Variants in RASAL2 observed in about 807,000 individuals in gnomAD.
RASAL2 encodes ras GTPase-activating protein nGAP.
Under a neutral mutation model 128.9 loss-of-function variants are expected in RASAL2, and 58 were observed. The observed-to-expected ratio is 0.45, with a 90% confidence interval of 0.36 to 0.56. The LOEUF is 0.56. RASAL2 is among the 20% of genes least tolerant of loss of function. The pLI is 0.00. For missense variants in RASAL2, 1,360 were observed against 1,601.6 expected (o/e 0.85, Z 2.57); for synonymous variants, 561 against 580.8 (o/e 0.97, Z 0.49).
chr1:178,458,295 A>G lies in RASAL2; in HGVS notation c.3003A>G (p.Pro1001=), dbSNP rs370170584. ...VPDRHIPLAL[P]RQNSTGQAQI... ...ATAGACACATACCTCTTGCTTTGCC[A>G]CGACAAAATAGTACTGGGCAGGCCC... Residue 1001 remains proline (P), a synonymous_variant, in exon 14 of 18, where the codon CCA becomes CCG. Coordinates refer to ENST00000367649, the MANE Select transcript of RASAL2 (RefSeq NM_170692.4). The G allele has an allele frequency of 8.1e-6, 13 of 1,614,244 alleles. No homozygotes were observed. The highest frequency in any genetic ancestry group is 4.4e-5 in the South Asian group (4 of 91,084).
chr1:178,345,578 G>A (rs1028012514), intron 3 of RASAL2, among the ~76,000 whole-genome samples: 3 of 152,048 alleles, frequency 2.0e-5, no homozygotes, highest in African/African-American at 7.2e-5. Flanking sequence ...TAAGATTCTG[G>A]TTTGTAACTT....
intron 3 of RASAL2, among the ~76,000 whole-genome samples, chr1:178,337,264 A>G (rs771654350): frequency 8.5e-5 from 13 of 152,200 alleles, no homozygotes; most frequent in Non-Finnish European, 1.8e-4. Context: ...TCTGATCTTC[A>G]TAATGCCTCC....
Position 178,290,485 on chromosome 1 carries a change from G to A in RASAL2, c.330+6794G>A, listed in dbSNP as rs374485646. Among the ~76,000 whole-genome samples the A allele has an allele frequency of 2.6e-4, 39 of 152,214 alleles. 1 individual carries two copies. The Middle Eastern group carries it at 0.01, about 40-fold the overall frequency. ...ATTTATTGAGCACCTATCATTATTT[G>A]TAGTATTGTGGACACAAAGATGCAG... is the stretch of plus-strand genomic sequence containing the variant. On this transcript the variant is annotated intron_variant, in intron 2 of 17. Coordinates refer to ENST00000367649, the MANE Select transcript of RASAL2 (RefSeq NM_170692.4).
chr1:178,181,345 T>C lies in RASAL2; in HGVS notation c.202+86651T>C, dbSNP rs1300460070. On this transcript the variant is annotated intron_variant, in intron 1 of 17. Coordinates refer to ENST00000367649, the MANE Select transcript of RASAL2 (RefSeq NM_170692.4). Reference sequence around the variant, plus strand: ...ATTAACCATTATTATTAAATAAATTTCCTACTTGATTCAGAATTTTTTTTT... The same window carrying C: ...ATTAACCATTATTATTAAATAAATTCCCTACTTGATTCAGAATTTTTTTTT... 2.0e-5 allele frequency among the ~76,000 whole-genome samples: 3 copies of C among 151,928 alleles called. No homozygotes were observed. The East Asian group carries it at 5.8e-4, about 29-fold the overall frequency.
intron 3 of RASAL2, among the ~76,000 whole-genome samples, chr1:178,361,964 G>T (rs1306928887): frequency 6.6e-6 from 1 of 151,950 alleles, no homozygotes; most frequent in African/African-American, 2.4e-5. Flanking sequence ...TTACAATAGG[G>T]TATGTGCTTC....
At chr1:178,345,692 C>A (rs568561982) in intron 3 of RASAL2, among the ~76,000 whole-genome samples, 5 of 152,114 alleles carry the variant, frequency 3.3e-5, no homozygotes, top group African/African-American at 1.2e-4. Flanking sequence ...TCCAGGAATA[C>A]CTGGAATATG....
chr1:178,257,822 C>T (rs984397744), intron 1 of RASAL2, among the ~76,000 whole-genome samples: 1 of 127,696 alleles, frequency 7.8e-6, no homozygotes, highest in African/African-American at 2.9e-5. Flanking sequence ...GCCTGGGCAA[C>T]AGAGTGAGAC....
At chr1:178,269,571 T>TGGCCAAAACCTGCCAAAACCAAAATG (rs1446623143) in intron 1 of RASAL2, among the ~76,000 whole-genome samples, 7 of 152,134 alleles carry the variant, frequency 4.6e-5, no homozygotes, top group African/African-American at 7.2e-5. Context: ...GTAAAGGAGC[T>TGGCCAAAACCTGCCAAAACCAAAATG]GGCCAAAACC....
At chr1:178,320,908 A>G (rs1668739846) in intron 3 of RASAL2, among the ~76,000 whole-genome samples, 1 of 152,172 alleles carries the variant, frequency 6.6e-6, no homozygotes, top group Admixed American at 6.5e-5. Flanking sequence ...AGTTATTCCC[A>G]GTTAAGCTCT....
chr1:178,255,293 A>G (rs2102103797), intron 1 of RASAL2, among the ~76,000 whole-genome samples: 1 of 152,258 alleles, frequency 6.6e-6, no homozygotes, highest in South Asian at 2.1e-4. Context: ...TAATTATGTA[A>G]TTTTAAAAGA....
Position 178,094,698 on chromosome 1 carries a change from A to G in RASAL2, c.202+4A>G. On this transcript the variant is annotated splice_donor_region_variant and intron_variant, in intron 1 of 17. Transcript: ENST00000367649. ...CAGAGCTGGGTCCGGGTGTACGGTAAGGACCACAGGCCGTCTTAGAGGCTG... is the reference window on the plus strand; with the variant it reads ...CAGAGCTGGGTCCGGGTGTACGGTAGGGACCACAGGCCGTCTTAGAGGCTG... 6.2e-7 allele frequency: 1 copy of G among 1,613,992 alleles called. No homozygotes were observed. Among genetic ancestry groups the G allele is most frequent in the East Asian group, 2.2e-5 (1 of 44,866 alleles).
At chr1:178,443,596 ATTTAAG>A (rs1322913185) in intron 8 of RASAL2, among the ~76,000 whole-genome samples, 3 of 152,128 alleles carry the variant, frequency 2.0e-5, no homozygotes, top group East Asian at 3.8e-4. Context: ...ACTGTATTTT[ATTTAAG>A]TTTAACTGAT....
At chr1:178,428,930 G>A (rs1675704881) in intron 5 of RASAL2, among the ~76,000 whole-genome samples, 3 of 152,074 alleles carry the variant, frequency 2.0e-5, no homozygotes, top group African/African-American at 7.2e-5. Flanking sequence ...CCAGGTTTTG[G>A]GGAAGGTGAA....
intron 5 of RASAL2, among the ~76,000 whole-genome samples, chr1:178,428,757 G>A (rs151107693): frequency 3.7e-4 from 56 of 152,042 alleles, no homozygotes; most frequent in African/African-American, 1.2e-3. Context: ...ACCAGGCCCA[G>A]TTTAAGATAT....
intron 3 of RASAL2, chr1:178,372,325 AC>A: frequency 1.0e-6 from 1 of 985,406 alleles, no homozygotes; most frequent in Non-Finnish European, 1.2e-6. Flanking sequence ...ATTTCTGGGT[AC>A]GGTAGGGCTT....
chr1:178,237,709 T>C (rs1664315631), intron 1 of RASAL2, among the ~76,000 whole-genome samples: 2 of 152,242 alleles, frequency 1.3e-5, no homozygotes, highest in Non-Finnish European at 2.9e-5. Flanking sequence ...ATTACTTTTT[T>C]ATTGTGATAG....
chr1:178,371,056 A>C (rs1222235240), intron 3 of RASAL2, among the ~76,000 whole-genome samples: 1 of 151,882 alleles, frequency 6.6e-6, no homozygotes, highest in African/African-American at 2.4e-5. Flanking sequence ...AAGCCTAATC[A>C]ATCTCCAGAG....
At chr1:178,233,019 A>T (rs944037192) in intron 1 of RASAL2, among the ~76,000 whole-genome samples, 1 of 152,174 alleles carries the variant, frequency 6.6e-6, no homozygotes, top group Non-Finnish European at 1.5e-5. Flanking sequence ...ATCCTTTGGA[A>T]ATCTTGACTT....
chr1:178,223,113 T>A (rs890195404), intron 1 of RASAL2, among the ~76,000 whole-genome samples: 4 of 152,194 alleles, frequency 2.6e-5, no homozygotes, highest in Non-Finnish European at 5.9e-5. Flanking sequence ...TTATTTTAGA[T>A]CTCTCTCTTT....
Sources: allele counts gnomAD v4.1 joint callset (sites outside exome capture counted in the v4.1 genomes callset), GRCh38; gene constraint gnomAD v4.1.1; transcripts MANE v1.5; gene names NCBI Gene and HGNC (gene_info 2026-07-23, HGNC 2026-07-21).